FGF1: variants seen among roughly 807,000 people sequenced by gnomAD.
FGF1 encodes the protein beta-endothelial cell growth factor.
Under a neutral mutation model 13.4 loss-of-function variants are expected in FGF1, and 9 were observed. That is an observed-to-expected ratio of 0.67 (90% CI 0.40 to 1.17). FGF1 has a LOEUF of 1.17. Among genes scored for constraint, FGF1 ranks in the 50% most tolerant of loss-of-function variants. FGF1 has a pLI of 0.01. For missense variants in FGF1, 156 were observed against 192.7 expected (o/e 0.81, Z 1.13); for synonymous variants, 93 against 79.0 (o/e 1.18, Z -0.94).
upstream of FGF1, among the ~76,000 whole-genome samples, chr5:142,688,224 A>G (rs187972705): frequency 8.3e-4 from 126 of 152,314 alleles, no homozygotes; most frequent in African/African-American, 2.8e-3. Context: ...ATCCTCAGTT[A>G]AGGTATTTAC....
At chr5:142,660,815 GC>G (rs373723726) in intron 1 of FGF1, among the ~76,000 whole-genome samples, 2 of 152,164 alleles carry the variant, frequency 1.3e-5, no homozygotes, top group African/African-American at 4.8e-5. Context: ...GCCAGGCCTA[GC>G]CCCTGCTATG....
intron 1 of FGF1, among the ~76,000 whole-genome samples, chr5:142,667,681 C>A (rs1227194984): frequency 1.3e-5 from 2 of 151,930 alleles, no homozygotes; most frequent in Non-Finnish European, 2.9e-5. Flanking sequence ...GGGAAGATGA[C>A]AGGAGCGGCT....
At chr5:142,620,857 A>G (rs566106886) in intron 1 of FGF1, among the ~76,000 whole-genome samples, 1 of 152,328 alleles carries the variant, frequency 6.6e-6, no homozygotes, top group East Asian at 1.9e-4. Flanking sequence ...AGGCAAGACA[A>G]CCCAAATAGA....
At chr5:142,611,884 G>A (rs1256380750) in intron 2 of FGF1, among the ~76,000 whole-genome samples, 1 of 152,128 alleles carries the variant, frequency 6.6e-6, no homozygotes, top group Non-Finnish European at 1.5e-5. Context: ...CCATATGCTA[G>A]GCTGATTATA....
At chr5:142,634,415 C>T (rs909312890) in intron 1 of FGF1, among the ~76,000 whole-genome samples, 1 of 152,184 alleles carries the variant, frequency 6.6e-6, no homozygotes, top group Non-Finnish European at 1.5e-5. Context: ...AAATGGCAGA[C>T]GGTTGTGAAT....
At chr5:142,608,030 GA>G (rs1470516847) in intron 2 of FGF1, among the ~76,000 whole-genome samples, 1 of 151,860 alleles carries the variant, frequency 6.6e-6, no homozygotes, top group African/African-American at 2.4e-5. Flanking sequence ...TCCAAAGGTA[GA>G]AAAAAGGAAA....
intron 1 of FGF1, among the ~76,000 whole-genome samples, chr5:142,645,862 T>C (rs1765948383): frequency 6.6e-6 from 1 of 152,200 alleles, no homozygotes; most frequent in South Asian, 2.1e-4. Context: ...CCACAGTCAC[T>C]GCTCATTTCT....
chr5:142,649,391 T>C (rs572859525), intron 1 of FGF1, among the ~76,000 whole-genome samples: 2 of 151,998 alleles, frequency 1.3e-5, no homozygotes, highest in South Asian at 4.1e-4. Context: ...CATTTATGTA[T>C]AATCTCTAGG....
chr5:142,599,070 G>A (rs889493144), intron 3 of FGF1, among the ~76,000 whole-genome samples: 5 of 152,168 alleles, frequency 3.3e-5, no homozygotes, highest in African/African-American at 7.2e-5. Flanking sequence ...CTGAACCCAT[G>A]TACGCTCTGT....
At position 142,678,437 on chromosome 5, in the gene FGF1, G is replaced by A. The variant is rs1773062597; in HGVS notation, c.-35+7520C>T. Among the ~76,000 whole-genome samples, 4 of 152,170 alleles carry A rather than the reference G, an allele frequency of 2.6e-5. No homozygotes were observed. The South Asian group carries it at 8.3e-4, about 31-fold the overall frequency. ...AATGGAGTCATTCAGGCACCTGCAA[G>A]GCTGCAAACACCAACCTGGGACTCT... is the stretch of plus-strand genomic sequence containing the variant. On this transcript the variant is annotated intron_variant, in intron 1 of 3. Coordinates refer to ENST00000337706, the MANE Select transcript of FGF1 (RefSeq NM_000800.5).
Position 142,593,851 on chromosome 5 carries a change from A to G in FGF1, c.*1439T>C, listed in dbSNP as rs542022817. On this transcript the variant is annotated 3_prime_UTR_variant, in exon 4 of 4. Coordinates refer to ENST00000337706, the MANE Select transcript of FGF1 (RefSeq NM_000800.5). ...TTACATGGCATCAGTATCATATGTTAGAGATGAATGGTGTTTCTAATTTGC... is the reference window on the plus strand; with the variant it reads ...TTACATGGCATCAGTATCATATGTTGGAGATGAATGGTGTTTCTAATTTGC... The G allele has an allele frequency of 5.2e-5, 8 of 152,776 alleles. No homozygotes were observed. The highest frequency in any genetic ancestry group is 5.2e-4 in the Admixed American group (8 of 15,304). 9.5% of individuals were successfully genotyped at this position (152,776 alleles called of 1,614,324 possible).
At chr5:142,632,810 C>T (rs1466730614) in intron 1 of FGF1, among the ~76,000 whole-genome samples, 1 of 152,116 alleles carries the variant, frequency 6.6e-6, no homozygotes, top group Non-Finnish European at 1.5e-5. Context: ...GTAATGGTTG[C>T]ACCTTCACTT....
intron 1 of FGF1, among the ~76,000 whole-genome samples, chr5:142,647,741 G>A (rs1480675601): frequency 6.6e-6 from 1 of 152,178 alleles, no homozygotes; most frequent in South Asian, 2.1e-4. Flanking sequence ...CATGAGGTCA[G>A]GTGTAGAATA....
At chr5:142,608,616 GAA>G (rs34214870) in intron 2 of FGF1, among the ~76,000 whole-genome samples, 10,524 of 92,876 alleles carry the variant, frequency 0.11, 774 homozygotes, top group East Asian at 0.23. Context: ...AAATATATAT[GAA>G]AAAAAAAACC....
intron 1 of FGF1, among the ~76,000 whole-genome samples, chr5:142,669,996 C>T (rs1419813412): frequency 6.6e-6 from 1 of 152,146 alleles, no homozygotes; most frequent in African/African-American, 2.4e-5. Context: ...GTCTGCACTG[C>T]CCGAAGCTAC....
chr5:142,650,677 C>T (rs540274359), intron 1 of FGF1, among the ~76,000 whole-genome samples: 168 of 150,302 alleles, frequency 1.1e-3, no homozygotes, highest in African/African-American at 3.4e-3. Context: ...TGTATATATA[C>T]ACACACACAC....
chr5:142,696,002 C>T lies in FGF1; in HGVS notation c.-35+1620G>A, dbSNP rs148076856. 4.9e-4 allele frequency among the ~76,000 whole-genome samples: 75 copies of T among 152,088 alleles called. No individual in the cohort carries two copies. In the Middle Eastern group the frequency reaches 0.02, roughly 41 times the overall value. On this transcript the variant is annotated intron_variant, in intron 2 of 4. Transcript: ENST00000407758. The stretch of plus-strand genomic sequence containing the variant: ...AAGAGGAGAGGGAGACAGAACTGGG[C>T]AAGGGTGGGTGAGGGAGAAGGGAGA...
chr5:142,605,646 T>C (rs1757499433), intron 2 of FGF1, among the ~76,000 whole-genome samples: 1 of 152,170 alleles, frequency 6.6e-6, no homozygotes, highest in Non-Finnish European at 1.5e-5. Context: ...AGGTTTGTTG[T>C]GCCGGTGAGA....
intron 1 of FGF1, among the ~76,000 whole-genome samples, chr5:142,659,231 G>GTT (rs11340338): frequency 2.1e-4 from 28 of 131,344 alleles, no homozygotes; most frequent in Admixed American, 2.2e-4. Context: ...TCTTGCGTCA[G>GTT]TTTTTTTTTT....
Sources: gnomAD v4.1 joint callset for allele counts (sites outside exome capture counted in the v4.1 genomes callset) on GRCh38, gnomAD v4.1.1 for gene constraint, MANE v1.5 for transcripts, NCBI Gene and HGNC (gene_info 2026-07-23, HGNC 2026-07-21) for gene names.